TTLL3: variants seen among roughly 807,000 people sequenced by gnomAD.
TTLL3 encodes tubulin monoglycylase TTLL3.
In TTLL3, 63 loss-of-function variants were observed where a neutral mutation model predicts 75.2. The observed-to-expected ratio is 0.84, with a 90% CI of 0.68 to 1.03. The LOEUF (loss-of-function observed/expected upper bound fraction) is 1.03. Ranked by LOEUF, TTLL3 falls within the 50% of genes least tolerant of loss-of-function variation. TTLL3 has a pLI of 0.00. For missense variants in TTLL3, 997 were observed against 1,069.9 expected (o/e 0.93, Z 0.95); for synonymous variants, 393 against 418.5 (o/e 0.94, Z 0.74).
intron 11 of TTLL3, among the ~76,000 whole-genome samples, chr3:9,831,704 C>G (rs1224847005): frequency 6.6e-6 from 1 of 151,974 alleles, no homozygotes; most frequent in African/African-American, 2.4e-5. Context: ...GTTGTTCCTT[C>G]TGCATTTATT....
At chr3:9,822,356 C>A (rs968318027) in intron 8 of TTLL3, among the ~76,000 whole-genome samples, 2 of 151,672 alleles carry the variant, frequency 1.3e-5, no homozygotes, top group African/African-American at 2.4e-5. Context: ...CATGAGCCAC[C>A]GCGCCCGGCC....
rs1281529453 is a variant in TTLL3, at chr3:9,836,137, T to G, written c.*648T>G. 1 of 151,934 alleles carries G rather than the reference T, an allele frequency of 6.6e-6. No individual in the cohort carries two copies. Among genetic ancestry groups the G allele is most frequent in the African/African-American group, 2.4e-5 (1 of 41,332 alleles). 9.4% of individuals were successfully genotyped at this position (151,934 alleles called of 1,614,324 possible). A position where few individuals can be genotyped will look rare whatever the true frequency, so the allele number is the denominator to read the frequency against. On this transcript the variant is annotated 3_prime_UTR_variant, in exon 14 of 14. Transcript: ENST00000685419. ...CAGTCTGGGCAACATGGTGAAACCG[T>G]TTCTACAGAAAATTAGCTGGGTGTG...
chr3:9,823,515 A>G (rs1394253282), intron 8 of TTLL3, among the ~76,000 whole-genome samples: 1 of 151,462 alleles, frequency 6.6e-6, no homozygotes, highest in Non-Finnish European at 1.5e-5. Context: ...TGCTAACTAT[A>G]AAATCATATT....
rs372194273 is a variant in TTLL3, at chr3:9,810,707, A to G, written c.46A>G (p.Lys16Glu). The change falls in exon 2 of 14, where the codon AAG becomes GAG. Residue 16 changes from lysine to glutamate, a missense_variant and splice_region_variant. Physicochemically the swap from Lys to Glu is moderately conservative, Grantham distance 56. Coordinates refer to ENST00000685419, the MANE Select transcript of TTLL3 (RefSeq NM_001387446.1). The surrounding 1 kb of genome is among the most constrained non-coding windows in gnomAD (Gnocchi z 4.4). ...NAKIYVERAV[K>E]QKKIFTIQGC... ...CAAAATCTACGTGGAGAGAGCTGTC[A>G]AGGTCAGAGGAGGGGCAGGGGCGCT... 11 of 1,585,192 alleles carry G rather than the reference A, an allele frequency of 6.9e-6. No homozygotes were observed. Among genetic ancestry groups the G allele is most frequent in the Non-Finnish European group, 9.4e-6 (11 of 1,166,078 alleles).
At chr3:9,829,620 T>G (rs1417101237) in intron 11 of TTLL3, among the ~76,000 whole-genome samples, 1 of 152,170 alleles carries the variant, frequency 6.6e-6, no homozygotes, top group African/African-American at 2.4e-5. Flanking sequence ...AATGAATTCA[T>G]GTATGAGGAT....
chr3:9,824,009 C>T (rs1472848041), intron 8 of TTLL3, among the ~76,000 whole-genome samples: 4 of 152,162 alleles, frequency 2.6e-5, no homozygotes, highest in Non-Finnish European at 5.9e-5. Flanking sequence ...CTGAGCCAAC[C>T]GTTCATTCAT....
chr3:9,825,771 C>T, intron 8 of TTLL3, 29 bp from the exon 9 acceptor site: 1 of 1,614,102 alleles, frequency 6.2e-7, no homozygotes, highest in Non-Finnish European at 8.5e-7. Context: ...CAGGTCCAGC[C>T]CTGCCCAAGT....
chr3:9,827,251 C>A lies in TTLL3; in HGVS notation c.1247+11C>A. 1 of 1,611,962 alleles carries A rather than the reference C, an allele frequency of 6.2e-7. No homozygotes were observed. The highest frequency in any genetic ancestry group is 1.7e-4 in the Middle Eastern group (1 of 6,048). On this transcript the variant is annotated intron_variant, in intron 10 of 13. Transcript: ENST00000685419. ...GAAGAACCTGGACAAGTGAGCCCCTCTGCTCGCCTCCCACGAGCTCCCTGC... is the reference window on the plus strand; with the variant it reads ...GAAGAACCTGGACAAGTGAGCCCCTATGCTCGCCTCCCACGAGCTCCCTGC...
At position 9,829,085 on chromosome 3, in the gene TTLL3, GTGC is replaced by G; in HGVS notation, c.1374_1376del (p.Ala459del). The G allele has an allele frequency of 1.9e-6, 3 of 1,614,224 alleles. No homozygotes were observed. The highest frequency in any genetic ancestry group is 1.6e-4 in the Middle Eastern group (1 of 6,062). On this transcript the variant is annotated inframe_deletion, in exon 11 of 14. Coordinates refer to ENST00000685419, the MANE Select transcript of TTLL3 (RefSeq NM_001387446.1). The stretch of plus-strand genomic sequence containing the variant: ...TTCCAGGCCCACCTGCAGGAGATGG[GTGC>G]CCCAAATGCTTGGTCCACCATCATC...
rs1389680888 is a variant in TTLL3 at position 9,835,519 on chromosome 3, G to A, written c.*30G>A. On this transcript the variant is annotated 3_prime_UTR_variant, in exon 14 of 14. Coordinates refer to ENST00000685419, the MANE Select transcript of TTLL3 (RefSeq NM_001387446.1). Reference sequence around the variant, plus strand: ...ATCAGCAGCTCCTCCGTGCAGCGAGGCCCAGAATTCCCACCTAAGGACAGA... The same window carrying A: ...ATCAGCAGCTCCTCCGTGCAGCGAGACCCAGAATTCCCACCTAAGGACAGA... 9 of 1,538,746 alleles carry A rather than the reference G, an allele frequency of 5.8e-6. No homozygotes were observed. The African/African-American group carries it at 8.3e-5, about 14-fold the overall frequency.
At position 9,816,055 on chromosome 3, in the gene TTLL3, TCTC is replaced by T. The variant is rs773703964; in HGVS notation, c.316-13_316-11del. On this transcript the variant is annotated splice_polypyrimidine_tract_variant and intron_variant, in intron 4 of 13. Transcript: ENST00000685419. ...ACCCACACTGGCCTCTGTGTTTCTGTCTCCTCCTGTCTCCCCAGTCCCGCATGG... is the reference window on the plus strand; with the variant it reads ...ACCCACACTGGCCTCTGTGTTTCTGTCTCCTGTCTCCCCAGTCCCGCATGG... 1.0e-5 allele frequency: 14 copies of T among 1,345,874 alleles called. No homozygotes were observed. The highest frequency in any genetic ancestry group is 1.5e-5 in the African/African-American group (1 of 67,360). The allele number at this position is 1,345,874 out of a possible 1,614,324, so 83.4% of individuals were successfully genotyped here.
At position 9,810,476 on chromosome 3, in the gene TTLL3, G is replaced by A. The variant is rs550029154; in HGVS notation, c.-42+82G>A. 1,127 of 1,443,290 alleles carry A rather than the reference G, an allele frequency of 7.8e-4. 10 individuals carry two copies. In the East Asian group the frequency reaches 9.9e-3, roughly 13 times the overall value. The allele number at this position is 1,443,290 out of a possible 1,614,324, so 89.4% of individuals were successfully genotyped here. ...CGCTGGGGTGGAGGGACTGGGGGTC[G>A]GGAGAAGAGCGGCTGAGGGTGGGCA... On this transcript the variant is annotated intron_variant, in intron 1 of 13. Coordinates refer to ENST00000685419, the MANE Select transcript of TTLL3 (RefSeq NM_001387446.1). The surrounding 1 kb of genome is among the most constrained non-coding windows in gnomAD (Gnocchi z 4.4).
At position 9,833,062 on chromosome 3, in the gene TTLL3, A is replaced by G. The variant is rs2124994578; in HGVS notation, c.1684-42A>G. ...GTCCCGCTGGGCCAAGGATTCCAGT[A>G]CCACTGACTGAGTGGGCCTTGTCTC... On this transcript the variant is annotated intron_variant, in intron 11 of 13. Coordinates refer to ENST00000685419, the MANE Select transcript of TTLL3 (RefSeq NM_001387446.1). 1.9e-6 allele frequency: 3 copies of G among 1,611,518 alleles called. No individual in the cohort carries two copies. In the East Asian group the frequency reaches 6.7e-5, roughly 36 times the overall value.
In TTLL3 at chr3:9,834,800, T is replaced by C; in HGVS notation, c.1945T>C (p.Ser649Pro). 1.9e-6 allele frequency: 3 copies of C among 1,614,146 alleles called. No individual in the cohort carries two copies. The highest frequency in any genetic ancestry group is 1.7e-6 in the Non-Finnish European group (2 of 1,179,992). ...HSKLVGTKAL[S>P]TTGKALRTLP... Reference sequence around the variant, plus strand: ...CAAGCTGGTGGGCACTAAGGCCCTGTCGACCACAGGCAAGGCCTTGAGGAC... The same window carrying C: ...CAAGCTGGTGGGCACTAAGGCCCTGCCGACCACAGGCAAGGCCTTGAGGAC... Residue 649 changes from serine (S) to proline (P), a missense_variant, in exon 13 of 14, where the codon TCG becomes CCG. Transcript: ENST00000685419.
chr3:9,813,246 A>T lies in TTLL3; in HGVS notation c.218-2A>T. 6.2e-7 allele frequency: 1 copy of T among 1,614,192 alleles called. No individual in the cohort carries two copies. Among genetic ancestry groups the T allele is most frequent in the Non-Finnish European group, 8.5e-7 (1 of 1,180,002 alleles). On this transcript the variant is annotated splice_acceptor_variant, in intron 3 of 13. Transcript: ENST00000685419. LOFTEE classifies it high-confidence loss of function. ...CATCAGCTCTGGGCTCTGCATCCACAGAGGATGAAGATGAGGACGAGGAGT... is the reference window on the plus strand; with the variant it reads ...CATCAGCTCTGGGCTCTGCATCCACTGAGGATGAAGATGAGGACGAGGAGT...
chr3:9,825,924 C>T lies in TTLL3; in HGVS notation c.979C>T (p.Pro327Ser). Residue 327 changes from proline to serine, a missense_variant, in exon 9 of 14, where the codon CCA (proline) becomes TCA (serine). Pro to Ser is a moderately conservative substitution (Grantham distance 74). Coordinates refer to ENST00000685419, the MANE Select transcript of TTLL3 (RefSeq NM_001387446.1). ...GGATCGCAACATCTGGATCGTGAAG[C>T]CAGGAGCCAAGTCCCGCGGACGAGG... ...EGDRNIWIVK[P>S]GAKSRGRGIM... 6.2e-7 allele frequency: 1 copy of T among 1,613,836 alleles called. No homozygotes were observed. The highest frequency in any genetic ancestry group is 8.5e-7 in the Non-Finnish European group (1 of 1,179,770).
In TTLL3 at chr3:9,810,861, C is replaced by T. The variant is rs569794937; in HGVS notation, c.48+152C>T. On this transcript the variant is annotated intron_variant, in intron 2 of 13. Coordinates refer to ENST00000685419, the MANE Select transcript of TTLL3 (RefSeq NM_001387446.1). This position sits in a 1 kb window ranked among gnomAD's most constrained non-coding sequence, Gnocchi z 4.4. ...ACCACACCCATCTTCAACTACCTCC[C>T]CGTTTACCCCTTCAGCACCAAACTT... is the stretch of plus-strand genomic sequence containing the variant. The T allele has an allele frequency of 1.1e-5, 8 of 727,652 alleles. No individual in the cohort carries two copies. Among genetic ancestry groups the T allele is most frequent in the Non-Finnish European group, 1.8e-5 (8 of 452,206 alleles). The allele number at this position is 727,652 out of a possible 1,614,324, so 45.1% of individuals were successfully genotyped here.
In TTLL3 at chr3:9,835,569, C is replaced by G; in HGVS notation, c.*80C>G. ...ACATGGGGCTTCCTATTTAGGGACT[C>G]CCCCAGCATCTCCGATCCAGGGGTG... On this transcript the variant is annotated 3_prime_UTR_variant, in exon 14 of 14. Coordinates refer to ENST00000685419, the MANE Select transcript of TTLL3 (RefSeq NM_001387446.1). 7.4e-7 allele frequency: 1 copy of G among 1,359,022 alleles called. No individual in the cohort carries two copies. Among genetic ancestry groups the G allele is most frequent in the Non-Finnish European group, 9.9e-7 (1 of 1,005,162 alleles). 84.2% of individuals were successfully genotyped at this position (1,359,022 alleles called of 1,614,324 possible).
chr3:9,827,272 C>T lies in TTLL3; in HGVS notation c.1247+32C>T, dbSNP rs114504435. ...CCCTCTGCTCGCCTCCCACGAGCTC[C>T]CTGCCTAGTTGGGGAGCTGGCAAGC... On this transcript the variant is annotated intron_variant, in intron 10 of 13. Transcript: ENST00000685419. The T allele has an allele frequency of 1.4e-3, 2,192 of 1,607,028 alleles. 25 individuals carry two copies. The African/African-American group carries it at 0.026, about 19-fold the overall frequency.
Sources: gnomAD v4.1 joint callset for allele counts (sites outside exome capture counted in the v4.1 genomes callset) on GRCh38, gnomAD v4.1.1 for gene constraint, Gnocchi (gnomAD v3.1) non-coding constraint, MANE v1.5 for transcripts, NCBI Gene and HGNC (gene_info 2026-07-23, HGNC 2026-07-21) for gene names.